The following STN1 variants were observed in gnomAD, a reference collection of about 807,000 sequenced individuals.
The protein encoded by STN1 is STN1 subunit of CST complex.
Under a neutral mutation model 45.5 loss-of-function variants are expected in STN1, and 29 were observed. The observed-to-expected ratio is 0.64, with a 90% CI of 0.47 to 0.87. STN1 has a LOEUF of 0.87. STN1 is among the 40% of genes least tolerant of loss of function. The pLI is 0.00. For missense variants in STN1, 376 were observed against 441.4 expected, an observed-to-expected ratio of 0.85 and a Z score of 1.33; for synonymous variants, 148 against 159.0, an observed-to-expected ratio of 0.93 and a Z score of 0.52.
At position 103,893,777 on chromosome 10, in the gene STN1, A is replaced by T. The variant is rs552832413; in HGVS notation, c.754-1525T>A. On this transcript the variant is annotated intron_variant, in intron 7 of 9. Transcript: ENST00000224950. ...CAAACAGGCTTTCTGTTACTCTAAT[A>T]GATCCTGGTGATGTTTCACAAATGT... Among the ~76,000 whole-genome samples, 413 of 152,336 alleles carry T rather than the reference A, an allele frequency of 2.7e-3. 1 individual carries two copies. The highest frequency in any genetic ancestry group is 4.5e-3 in the Non-Finnish European group (306 of 68,036).
chr10:103,911,454 A>T (rs60806862), intron 2 of STN1, among the ~76,000 whole-genome samples: 2 of 152,124 alleles, frequency 1.3e-5, no homozygotes, highest in Non-Finnish European at 2.9e-5. Context: ...AGTCCTGCCC[A>T]ATCTCTTTTC....
At chr10:103,885,307 C>A (rs536447633) in intron 9 of STN1, among the ~76,000 whole-genome samples, 1 of 152,308 alleles carries the variant, frequency 6.6e-6, no homozygotes, top group African/African-American at 2.4e-5. Context: ...GGGGCTCCAA[C>A]CACACAGACC....
Position 103,910,515 on chromosome 10 carries a change from A to G in STN1, c.229+12T>C, listed in dbSNP as rs376188763. ...TCTACATCAACTTCATTTCAGACAC[A>G]ATTGTTCTTACCTCCATAACTGTAG... On this transcript the variant is annotated intron_variant, in intron 3 of 9. Transcript: ENST00000224950. The G allele has an allele frequency of 7.5e-5, 117 of 1,560,448 alleles. No homozygotes were observed. Among genetic ancestry groups the G allele is most frequent in the Non-Finnish European group, 9.6e-5 (109 of 1,132,466 alleles).
chr10:103,899,128 G>A (rs1843190628), intron 5 of STN1, 128 bp from the exon 6 acceptor site: 8 of 912,040 alleles, frequency 8.8e-6, no homozygotes. Context: ...TTCCTTGTGA[G>A]TGCCCAGGGA....
At chr10:103,904,233 G>A (rs1436102817) in intron 4 of STN1, among the ~76,000 whole-genome samples, 2 of 151,858 alleles carry the variant, frequency 1.3e-5, no homozygotes, top group Non-Finnish European at 2.9e-5. Flanking sequence ...GGAAAAACAA[G>A]GTTCCAGTTT....
At chr10:103,890,907 C>T (rs1206430793) in intron 8 of STN1, among the ~76,000 whole-genome samples, 1 of 152,184 alleles carries the variant, frequency 6.6e-6, no homozygotes, top group Non-Finnish European at 1.5e-5. Context: ...GGAGTCCACA[C>T]CCACTGATGT....
At chr10:103,892,355 C>A in intron 7 of STN1, 103 bp from the exon 8 acceptor site, 1 of 1,021,152 alleles carries the variant, frequency 9.8e-7, no homozygotes, top group South Asian at 1.9e-5. Flanking sequence ...TCCAACAGGC[C>A]TTTTAACTGC....
chr10:103,908,263 G>A (rs889104744), intron 3 of STN1, among the ~76,000 whole-genome samples: 3 of 126,664 alleles, frequency 2.4e-5, no homozygotes, highest in Non-Finnish European at 5.1e-5. Context: ...TCTGGGCACT[G>A]TCACCAACCC....
intron 9 of STN1, among the ~76,000 whole-genome samples, chr10:103,885,103 C>G (rs1843095180): frequency 6.6e-6 from 1 of 152,306 alleles, no homozygotes; most frequent in African/African-American, 2.4e-5. Flanking sequence ...AAAACCACTT[C>G]CTTCTCAGGG....
Position 103,881,344 on chromosome 10 carries a change from C to T in STN1, c.*1340G>A, listed in dbSNP as rs1450550668. On this transcript the variant is annotated 3_prime_UTR_variant, in exon 10 of 10. Transcript: ENST00000224950. ...AGCCCCACTAATCAGATGCATTCAACGTGGAACAGCTGCTGACCTCAAGGA... is the reference window on the plus strand; with the variant it reads ...AGCCCCACTAATCAGATGCATTCAATGTGGAACAGCTGCTGACCTCAAGGA... 3.3e-5 allele frequency among the ~76,000 whole-genome samples: 5 copies of T among 152,192 alleles called. No individual in the cohort carries two copies. The highest frequency in any genetic ancestry group is 1.2e-4 in the African/African-American group (5 of 41,444).
intron 2 of STN1, among the ~76,000 whole-genome samples, chr10:103,915,884 T>C (rs867189618): frequency 2.5e-4 from 38 of 151,904 alleles, no homozygotes; most frequent in African/African-American, 8.2e-4. Flanking sequence ...TCCTAAGGAG[T>C]GTGCAACTAG....
intron 4 of STN1, among the ~76,000 whole-genome samples, chr10:103,902,059 A>G (rs1843213086): frequency 6.6e-6 from 1 of 152,208 alleles, no homozygotes; most frequent in Non-Finnish European, 1.5e-5. Context: ...CTTCATCAAA[A>G]TCAACCTAAT....
intron 8 of STN1, among the ~76,000 whole-genome samples, chr10:103,889,356 T>A (rs1373456727): frequency 1.3e-5 from 2 of 151,956 alleles, no homozygotes; most frequent in Non-Finnish European, 2.9e-5. Context: ...ATTGGGGCAA[T>A]GAGGTTAAAA....
intron 3 of STN1, among the ~76,000 whole-genome samples, chr10:103,907,632 T>G (rs915588264): frequency 6.6e-6 from 1 of 152,204 alleles, no homozygotes; most frequent in Non-Finnish European, 1.5e-5. Context: ...TTGCCTGATT[T>G]ATAGTGTTTC....
intron 3 of STN1, among the ~76,000 whole-genome samples, chr10:103,906,253 G>A (rs959759488): frequency 6.6e-6 from 1 of 152,206 alleles, no homozygotes; most frequent in South Asian, 2.1e-4. Context: ...ACTTCTTTAA[G>A]CAGAATCTTA....
chr10:103,889,178 T>A, intron 8 of STN1, 34 bp from the exon 9 acceptor site: 5 of 1,362,498 alleles, frequency 3.7e-6, no homozygotes, highest in African/African-American at 1.4e-5. Context: ...GAGAGAGTGT[T>A]CTTAGGTAAC....
rs1425260331 is a variant in STN1 at position 103,882,606 on chromosome 10, G to A, written c.*78C>T. 4.8e-6 allele frequency: 7 copies of A among 1,445,986 alleles called. No homozygotes were observed. In the East Asian group the frequency reaches 1.6e-4, roughly 34 times the overall value. The allele number at this position is 1,445,986 out of a possible 1,614,324, so 89.6% of individuals were successfully genotyped here. A position where few individuals can be genotyped will look rare whatever the true frequency, so the allele number is the denominator to read the frequency against. On this transcript the variant is annotated 3_prime_UTR_variant, in exon 10 of 10. Transcript: ENST00000224950. Reference sequence around the variant, plus strand: ...ACTGCCTCCAGACAGATAAGCCCCTGCATGATGCTGAAAGTCAGAGCCTGG... The same window carrying A: ...ACTGCCTCCAGACAGATAAGCCCCTACATGATGCTGAAAGTCAGAGCCTGG...
chr10:103,882,896 G>A lies in STN1; in HGVS notation c.950-55C>T, dbSNP rs909074420. ...GGACACAACTGTCAGGCCCTCCTCTGTCCTCTCCATACCTGACTTGGCATC... is the reference window on the plus strand; with the variant it reads ...GGACACAACTGTCAGGCCCTCCTCTATCCTCTCCATACCTGACTTGGCATC... On this transcript the variant is annotated intron_variant, in intron 9 of 9. Transcript: ENST00000224950. 7 of 1,544,534 alleles carry A rather than the reference G, an allele frequency of 4.5e-6. No individual in the cohort carries two copies. In the African/African-American group the frequency reaches 9.5e-5, roughly 21 times the overall value.
rs143922724 is a variant in STN1 at position 103,892,166 on chromosome 10, A to G, written c.840T>C (p.Val280=). Residue 280 remains valine (V), a synonymous_variant, in exon 8 of 10, where the codon GTT becomes GTC. Coordinates refer to ENST00000224950, the MANE Select transcript of STN1 (RefSeq NM_024928.5). ...AIQLLQEKGL[V]FQKDDGFDNL... is the part of the protein sequence containing the mutation. ...TATCAAAACCATCATCTTTCTGGAA[A>G]ACAAGTCCTTTTTCCTGCAGCAGTT... 1 of 1,612,496 alleles carries G rather than the reference A, an allele frequency of 6.2e-7. No individual in the cohort carries two copies. The highest frequency in any genetic ancestry group is 8.5e-7 in the Non-Finnish European group (1 of 1,179,570).
Sources: gnomAD v4.1 joint callset for allele counts (sites outside exome capture counted in the v4.1 genomes callset) on GRCh38, gnomAD v4.1.1 for gene constraint, MANE v1.5 for transcripts, NCBI Gene and HGNC (gene_info 2026-07-23, HGNC 2026-07-21) for gene names.